Variants in NCKAP5 observed in about 807,000 individuals in gnomAD.
NCKAP5 encodes the protein nck-associated protein 5.
Under a neutral mutation model 167.0 loss-of-function variants are expected in NCKAP5, and 92 were observed. The observed-to-expected ratio is 0.55, with a 90% CI of 0.47 to 0.66. The LOEUF (loss-of-function observed/expected upper bound fraction) is 0.66, where lower values mean the gene tolerates loss of function less well. Among genes scored for constraint, NCKAP5 ranks in the 30% least tolerant of loss-of-function variants. The pLI is 0.00. For missense variants in NCKAP5, 2,378 were observed against 2,315.0 expected (o/e 1.03, Z -0.56); for synonymous variants, 891 against 877.4 (o/e 1.02, Z -0.27).
chr2:133,023,692 AT>A (rs1325430922), intron 6 of NCKAP5, among the ~76,000 whole-genome samples: 1 of 152,190 alleles, frequency 6.6e-6, no homozygotes, highest in Non-Finnish European at 1.5e-5. Context: ...AAGTGAGAAT[AT>A]GCAATATTCG....
intron 11 of NCKAP5, among the ~76,000 whole-genome samples, chr2:132,853,601 G>A (rs1031820572): frequency 2.0e-5 from 3 of 152,116 alleles, no homozygotes; most frequent in African/African-American, 4.8e-5. Flanking sequence ...AGAAATTTAG[G>A]TGCCTTCCAT....
rs1414747210 is a variant in NCKAP5 at position 133,303,018 on chromosome 2, G to A, written c.143+19C>T. 1 of 1,572,600 alleles carries A rather than the reference G, an allele frequency of 6.4e-7. No homozygotes were observed. The highest frequency in any genetic ancestry group is 8.7e-7 in the Non-Finnish European group (1 of 1,150,776). On this transcript the variant is annotated intron_variant, in intron 4 of 19. Coordinates refer to ENST00000409261, the MANE Select transcript of NCKAP5 (RefSeq NM_207363.3). The stretch of plus-strand genomic sequence containing the variant: ...GGATGCTACCTGAGCAAGCAAATAA[G>A]AACATGAATTGAACTCACCTCCAGA...
At chr2:133,670,066 A>G in the NCKAP5 span, among the ~76,000 whole-genome samples, 1 of 152,242 alleles carries the variant, frequency 6.6e-6, no homozygotes, top group Non-Finnish European at 1.5e-5. Flanking sequence ...GGAGGTTAAG[A>G]GCTAAAACAT....
the NCKAP5 span, among the ~76,000 whole-genome samples, chr2:133,576,607 T>C: frequency 1.3e-5 from 2 of 152,140 alleles, no homozygotes; most frequent in Non-Finnish European, 2.9e-5. Flanking sequence ...GGAGACACAA[T>C]TGAAAAATAC....
chr2:133,222,709 T>G (rs1008659072), intron 4 of NCKAP5, among the ~76,000 whole-genome samples: 1 of 152,242 alleles, frequency 6.6e-6, no homozygotes, highest in Admixed American at 6.5e-5. Context: ...CATGCAGCAA[T>G]GCCTGCCTTC....
chr2:132,818,291 A>G (rs1267733560), intron 11 of NCKAP5, among the ~76,000 whole-genome samples: 1 of 152,232 alleles, frequency 6.6e-6, no homozygotes, highest in African/African-American at 2.4e-5. Context: ...AGGAAGAATA[A>G]TCTAAGCAAT....
At chr2:133,499,213 T>G (rs1360127038) in intron 3 of NCKAP5, among the ~76,000 whole-genome samples, 1 of 152,256 alleles carries the variant, frequency 6.6e-6, no homozygotes, top group African/African-American at 2.4e-5. Flanking sequence ...AGCTGTTTTT[T>G]GGTTTGAGAC....
intron 3 of NCKAP5, among the ~76,000 whole-genome samples, chr2:133,490,646 G>A (rs1176430235): frequency 6.6e-6 from 1 of 152,216 alleles, no homozygotes; most frequent in Non-Finnish European, 1.5e-5. Flanking sequence ...GCTGAGGGAT[G>A]AGGATGTGAT....
intron 19 of NCKAP5, among the ~76,000 whole-genome samples, chr2:132,692,418 C>T (rs983415004): frequency 2.6e-5 from 4 of 152,038 alleles, no homozygotes; most frequent in African/African-American, 9.7e-5. Context: ...CTTCCAAAAT[C>T]CTGCTTAATT....
the NCKAP5 span, among the ~76,000 whole-genome samples, chr2:133,589,916 C>T: frequency 2.5e-4 from 38 of 152,360 alleles, no homozygotes; most frequent in South Asian, 1.2e-3. Flanking sequence ...AGTTGGTTGA[C>T]TCTCTCCCAG....
intron 5 of NCKAP5, among the ~76,000 whole-genome samples, chr2:133,161,254 C>A (rs187182522): frequency 7.9e-5 from 12 of 152,142 alleles, no homozygotes; most frequent in Admixed American, 7.9e-4. Flanking sequence ...GTCCCCGGTG[C>A]CAAAAAGTTT....
intron 8 of NCKAP5, among the ~76,000 whole-genome samples, chr2:132,939,981 A>T (rs1697170082): frequency 6.6e-6 from 1 of 152,010 alleles, no homozygotes; most frequent in Non-Finnish European, 1.5e-5. Context: ...GCCTGGGTGG[A>T]GTGAGATGCT....
intron 11 of NCKAP5, among the ~76,000 whole-genome samples, chr2:132,820,595 T>C (rs766239512): frequency 6.6e-6 from 1 of 152,154 alleles, no homozygotes; most frequent in Non-Finnish European, 1.5e-5. Flanking sequence ...TGGAAATACA[T>C]TGAGAATCCT....
At chr2:133,188,632 A>C (rs576502839) in intron 5 of NCKAP5, among the ~76,000 whole-genome samples, 5 of 152,224 alleles carry the variant, frequency 3.3e-5, no homozygotes, top group Non-Finnish European at 5.9e-5. Context: ...TAAGAAACTC[A>C]CTCAAAACCG....
At chr2:133,557,764 A>G (rs1305192844) in intron 2 of NCKAP5, among the ~76,000 whole-genome samples, 1 of 152,228 alleles carries the variant, frequency 6.6e-6, no homozygotes, top group African/African-American at 2.4e-5. Flanking sequence ...GACACACAGC[A>G]TTGTGCAGTG....
At chr2:132,855,012 G>A (rs1020320854) in intron 11 of NCKAP5, among the ~76,000 whole-genome samples, 4 of 152,088 alleles carry the variant, frequency 2.6e-5, no homozygotes, top group African/African-American at 9.7e-5. Context: ...AGGGTCTTGG[G>A]CATATTATGA....
chr2:133,349,579 T>C (rs1205781259), intron 3 of NCKAP5, among the ~76,000 whole-genome samples: 1 of 152,260 alleles, frequency 6.6e-6, no homozygotes, highest in Non-Finnish European at 1.5e-5. Flanking sequence ...CACTGTGAGT[T>C]GGTGCCATTA....
Position 132,672,827 on chromosome 2 carries a change from A to T in NCKAP5, c.*462T>A. 2.6e-6 allele frequency: 1 copy of T among 378,038 alleles called. No homozygotes were observed. The highest frequency in any genetic ancestry group is 3.6e-6 in the Non-Finnish European group (1 of 274,534). 23.4% of individuals were successfully genotyped at this position (378,038 alleles called of 1,614,324 possible). On this transcript the variant is annotated 3_prime_UTR_variant, in exon 20 of 20. Transcript: ENST00000409261. ...ATGTGTTTACGCTTAATCCTCTTGA[A>T]ACACAATAAATGGAGTCTATCTTTA...
chr2:133,456,886 T>C (rs900024132), intron 3 of NCKAP5, among the ~76,000 whole-genome samples: 6 of 152,178 alleles, frequency 3.9e-5, no homozygotes, highest in Non-Finnish European at 5.9e-5. Context: ...AGCAACTACA[T>C]AGCTGCTTAT....
Sources: allele counts gnomAD v4.1 joint callset (sites outside exome capture counted in the v4.1 genomes callset), GRCh38; gene constraint gnomAD v4.1.1; transcripts MANE v1.5; gene names NCBI Gene and HGNC (gene_info 2026-07-23, HGNC 2026-07-21).